Variants in DNAJC10 observed in about 807,000 individuals in gnomAD.
DNAJC10 encodes DnaJ heat shock protein family (Hsp40) member C10, also known as endoplasmic reticulum disulfide reductase DNAJC10.
A neutral mutation model predicts 115.0 loss-of-function variants in DNAJC10; 101 were observed. The ratio of observed to expected loss-of-function variants is 0.88; its 90% CI spans 0.75 to 1.04. The LOEUF is 1.04. Among genes scored for constraint, DNAJC10 ranks in the 50% least tolerant of loss-of-function variants. The pLI is 0.00. For missense variants in DNAJC10, 981 were observed against 928.8 expected (o/e 1.06, Z -0.73); for synonymous variants, 307 against 301.5 (o/e 1.02, Z -0.19).
At chr2:182,773,349 T>C (rs749716160) in intron 22 of DNAJC10, among the ~76,000 whole-genome samples, 1 of 152,182 alleles carries the variant, frequency 6.6e-6, no homozygotes, top group Non-Finnish European at 1.5e-5. Flanking sequence ...TGTGGTGTTC[T>C]CTGTATTTCC....
Position 182,778,068 on chromosome 2 carries a change from T to C in DNAJC10, c.*936T>C, listed in dbSNP as rs552885189. The C allele has an allele frequency of 6.6e-6, 1 of 152,200 alleles. No individual in the cohort carries two copies. The highest frequency in any genetic ancestry group is 2.1e-4 in the South Asian group (1 of 4,832). The allele number at this position is 152,200 out of a possible 1,614,324, so 9.4% of individuals were successfully genotyped here. On this transcript the variant is annotated 3_prime_UTR_variant, in exon 24 of 24. Coordinates refer to ENST00000264065, the MANE Select transcript of DNAJC10 (RefSeq NM_018981.4). ...AGAAATTTTCCCACTGATAGTTGATTTTTGAGGCATCTAATATTTACATAT... is the reference window on the plus strand; with the variant it reads ...AGAAATTTTCCCACTGATAGTTGATCTTTGAGGCATCTAATATTTACATAT...
chr2:182,738,664 C>T (rs1693648472), intron 11 of DNAJC10, among the ~76,000 whole-genome samples: 1 of 152,014 alleles, frequency 6.6e-6, no homozygotes, highest in African/African-American at 2.4e-5. Flanking sequence ...CCTCAGCCTC[C>T]CGAGTAGCTG....
intron 22 of DNAJC10, among the ~76,000 whole-genome samples, chr2:182,772,946 A>G (rs541328688): frequency 1.3e-5 from 2 of 152,296 alleles, no homozygotes; most frequent in East Asian, 3.9e-4. Context: ...AATGGTCTTT[A>G]CCATTTGGCA....
chr2:182,736,330 A>G lies in DNAJC10; in HGVS notation c.931A>G (p.Thr311Ala). The G allele has an allele frequency of 6.3e-7, 1 of 1,592,596 alleles. No individual in the cohort carries two copies. The highest frequency in any genetic ancestry group is 2.3e-5 in the East Asian group (1 of 42,812). The change falls in exon 11 of 24, where the codon ACT (threonine) becomes GCT (alanine). Residue 311 changes from threonine to alanine, a missense_variant. Transcript: ENST00000264065. ...CKSLDITTST[T>A]AYFPPGATLN... ...AAGCTTAGATATTACAACAAGTACT[A>G]CTGCTTATTTTCCTCCTGGAGCCAC...
At chr2:182,767,497 C>A (rs1363711159) in intron 22 of DNAJC10, among the ~76,000 whole-genome samples, 1 of 152,186 alleles carries the variant, frequency 6.6e-6, no homozygotes, top group Non-Finnish European at 1.5e-5. Flanking sequence ...GTCCCATCCT[C>A]CTGATGGGAG....
chr2:182,718,019 A>G lies in DNAJC10; in HGVS notation c.-68A>G. The G allele has an allele frequency of 4.9e-6, 6 of 1,227,384 alleles. No individual in the cohort carries two copies. The highest frequency in any genetic ancestry group is 3.2e-5 in the South Asian group (2 of 62,846). The allele number at this position is 1,227,384 out of a possible 1,614,324, so 76.0% of individuals were successfully genotyped here. On this transcript the variant is annotated 5_prime_UTR_variant, in exon 3 of 24. It adds an upstream start codon to the 5' untranslated region. Transcript: ENST00000264065. ...TAGACAGAAGTTCTCAAATTTGCAT[A>G]TTACATCAACTGGAACCAGCAGTGA...
chr2:182,766,403 A>AG (rs1303996990), intron 22 of DNAJC10, among the ~76,000 whole-genome samples: 3 of 152,172 alleles, frequency 2.0e-5, no homozygotes, highest in African/African-American at 7.2e-5. Context: ...CAAAGCTAGT[A>AG]GGGGTTCATT....
chr2:182,749,453 GT>G (rs1693958888), intron 14 of DNAJC10, among the ~76,000 whole-genome samples: 1 of 148,716 alleles, frequency 6.7e-6, no homozygotes, highest in Non-Finnish European at 1.5e-5. Context: ...TTTAAAGTCT[GT>G]TTTATCAGAG....
chr2:182,739,475 A>C (rs1693676529), intron 11 of DNAJC10: 1 of 1,095,372 alleles, frequency 9.1e-7, no homozygotes, highest in African/African-American at 1.7e-5. Context: ...GACATATATT[A>C]AACTCTGTTT....
At chr2:182,733,782 CAGATAGAT>C (rs61416628) in intron 10 of DNAJC10, among the ~76,000 whole-genome samples, 2,343 of 142,514 alleles carry the variant, frequency 0.016, 21 homozygotes, top group Middle Eastern at 0.032. Context: ...CAATCTCTCT[CAGATAGAT>C]AGATAGATAG....
rs1040454662 is a variant in DNAJC10 at position 182,782,481 on chromosome 2, A to G, written c.*5349A>G. ...GAAAGTCAATGGTAGCTTGATGGGA[A>G]TAGCATTGAATCTATAAATTACTTT... On this transcript the variant is annotated 3_prime_UTR_variant, in exon 24 of 24. Transcript: ENST00000264065. The G allele has an allele frequency of 6.6e-6, 1 of 152,146 alleles. No individual in the cohort carries two copies. The highest frequency in any genetic ancestry group is 1.5e-5 in the Non-Finnish European group (1 of 68,020). 9.4% of individuals were successfully genotyped at this position (152,146 alleles called of 1,614,324 possible).
Position 182,718,141 on chromosome 2 carries a change from C to G in DNAJC10, c.55C>G (p.Leu19Val). The change falls in exon 3 of 24, where the codon CTC becomes GTC. Residue 19 changes from leucine to valine, a missense_variant. Physicochemically the swap from Leu to Val is conservative, Grantham distance 32. Coordinates refer to ENST00000264065, the MANE Select transcript of DNAJC10 (RefSeq NM_018981.4). ...TATCAGAGACTTGAAAAGGATCATT[C>G]TCTGTTTTCTGATAGTGTATATGGC... The part of the protein sequence containing the change: ...DYIRDLKRII[L>V]CFLIVYMAIL... The G allele has an allele frequency of 6.2e-7, 1 of 1,612,898 alleles. No homozygotes were observed. Among genetic ancestry groups the G allele is most frequent in the Non-Finnish European group, 8.5e-7 (1 of 1,179,560 alleles).
At chr2:182,742,873 G>T (rs1693771581) in intron 13 of DNAJC10, among the ~76,000 whole-genome samples, 1 of 150,808 alleles carries the variant, frequency 6.6e-6, no homozygotes, top group Non-Finnish European at 1.5e-5. Flanking sequence ...ATGCAGTGTA[G>T]TGTCACTCTG....
chr2:182,720,257 A>C, intron 4 of DNAJC10, 88 bp downstream of exon 4: 1 of 1,089,932 alleles, frequency 9.2e-7, no homozygotes, highest in South Asian at 1.4e-5. Flanking sequence ...TTATATATTT[A>C]AGATGCGTCA....
intron 22 of DNAJC10, among the ~76,000 whole-genome samples, chr2:182,771,400 T>C (rs1404428255): frequency 6.6e-6 from 1 of 152,236 alleles, no homozygotes; most frequent in Non-Finnish European, 1.5e-5. Context: ...TCAGCAGGAA[T>C]GGTACCAGCT....
At chr2:182,763,054 C>A (rs929892353) in intron 22 of DNAJC10, among the ~76,000 whole-genome samples, 4 of 151,748 alleles carry the variant, frequency 2.6e-5, no homozygotes, top group Non-Finnish European at 5.9e-5. Flanking sequence ...TAGAAAGAGA[C>A]AAAAAAAGTA....
intron 15 of DNAJC10, 123 bp from the exon 16 acceptor site, chr2:182,751,949 C>A: frequency 8.4e-7 from 1 of 1,194,994 alleles, no homozygotes; most frequent in Non-Finnish European, 1.2e-6. Flanking sequence ...GTAATTACTC[C>A]TCCAGGGAAG....
intron 22 of DNAJC10, among the ~76,000 whole-genome samples, chr2:182,766,547 C>T (rs923155298): frequency 6.6e-6 from 1 of 152,138 alleles, no homozygotes; most frequent in Non-Finnish European, 1.5e-5. Context: ...TCTCAGATAG[C>T]TCTGGCTTTC....
intron 21 of DNAJC10, among the ~76,000 whole-genome samples, chr2:182,762,172 G>A (rs1200851811): frequency 3.7e-5 from 4 of 107,650 alleles, no homozygotes; most frequent in Non-Finnish European, 3.9e-5. Context: ...AAAAAAAAAA[G>A]AGAGAGAGCG....
Sources: allele counts gnomAD v4.1 joint callset (sites outside exome capture counted in the v4.1 genomes callset), GRCh38; gene constraint gnomAD v4.1.1; transcripts MANE v1.5; gene names NCBI Gene and HGNC (gene_info 2026-07-23, HGNC 2026-07-21).